The following CCDC149 variants were observed in gnomAD, a reference collection of about 807,000 sequenced individuals.
CCDC149 encodes coiled-coil domain-containing protein 149.
In CCDC149, 45 loss-of-function variants were observed where a neutral mutation model predicts 59.9. The observed-to-expected ratio is 0.75, with a 90% CI of 0.59 to 0.96. CCDC149 has a LOEUF of 0.96. Among genes scored for constraint, CCDC149 ranks in the 40% least tolerant of loss-of-function variants. The pLI, the probability that CCDC149 is intolerant of heterozygous loss-of-function variation, is 0.00. For missense variants in CCDC149, 584 were observed against 664.7 expected, an observed-to-expected ratio of 0.88 and a Z score of 1.33; for synonymous variants, 245 against 260.6, an observed-to-expected ratio of 0.94 and a Z score of 0.58.
At chr4:24,866,821 A>ACC (rs1251859575) in intron 3 of CCDC149, among the ~76,000 whole-genome samples, 14 of 28,080 alleles carry the variant, frequency 5.0e-4, no homozygotes, top group Admixed American at 3.4e-3. Context: ...ACACACACAC[A>ACC]CCCACACACA....
At chr4:24,851,559 G>C (rs2109180109) in intron 4 of CCDC149, among the ~76,000 whole-genome samples, 1 of 152,190 alleles carries the variant, frequency 6.6e-6, no homozygotes, top group South Asian at 2.1e-4. Flanking sequence ...GAGGGGAGGA[G>C]CAGCTCAGGA....
chr4:24,977,552 C>T (rs1724259466), intron 1 of CCDC149, among the ~76,000 whole-genome samples: 1 of 152,132 alleles, frequency 6.6e-6, no homozygotes, highest in Admixed American at 6.5e-5. Flanking sequence ...GCCTGTCTAG[C>T]TAATACCAGA....
chr4:24,944,152 A>G (rs569983945), intron 1 of CCDC149, among the ~76,000 whole-genome samples: 1 of 152,360 alleles, frequency 6.6e-6, no homozygotes, highest in Admixed American at 6.5e-5. Context: ...AACCAACCCA[A>G]ATGTCCAACA....
intron 1 of CCDC149, among the ~76,000 whole-genome samples, chr4:24,929,020 A>G (rs546579824): frequency 1.3e-5 from 2 of 152,316 alleles, no homozygotes; most frequent in African/African-American, 4.8e-5. Flanking sequence ...TAAACAAAGA[A>G]TCAGTGCCCT....
Position 24,946,556 on chromosome 4 carries a change from T to A in CCDC149, c.-65+33513A>T, listed in dbSNP as rs75551505. 4.1e-3 allele frequency among the ~76,000 whole-genome samples: 631 copies of A among 152,362 alleles called. 6 individuals are homozygous for A. Among genetic ancestry groups the A allele is most frequent in the Non-Finnish European group, 4.4e-3 (296 of 68,024 alleles). On this transcript the variant is annotated intron_variant, in intron 1 of 12. Transcript: ENST00000389609. ...GCGGGTACTTGGTAAAGATATTTTT[T>A]AAAATCTTTTTGATTGACTTTCCAT... is the stretch of plus-strand genomic sequence containing the variant.
intron 1 of CCDC149, among the ~76,000 whole-genome samples, chr4:24,894,496 G>A (rs1254948665): frequency 6.6e-6 from 1 of 152,036 alleles, no homozygotes; most frequent in East Asian, 1.9e-4. Context: ...CTCCTTGTTG[G>A]TGTCTTCACA....
At chr4:24,841,520 T>C (rs1035484954) in intron 4 of CCDC149, among the ~76,000 whole-genome samples, 1 of 152,244 alleles carries the variant, frequency 6.6e-6, no homozygotes. Flanking sequence ...GAAACACTTA[T>C]TTTTAAAAGT....
At position 24,851,515 on chromosome 4, in the gene CCDC149, C is replaced by G. The variant is rs183817641; in HGVS notation, c.372+1557G>C. 3.0e-3 allele frequency among the ~76,000 whole-genome samples: 449 copies of G among 151,392 alleles called. 6 individuals are homozygous for G. Among genetic ancestry groups the G allele is most frequent in the Admixed American group, 0.019 (291 of 15,222 alleles). On this transcript the variant is annotated intron_variant, in intron 4 of 12. Coordinates refer to ENST00000635206, the MANE Select transcript of CCDC149 (RefSeq NM_001330643.2). Reference sequence around the variant, plus strand: ...AAAAGGCAAAAGAATTGAAAGTGACCAAAAGATGAGACAGGAGCATATTTA... The same window carrying G: ...AAAAGGCAAAAGAATTGAAAGTGACGAAAAGATGAGACAGGAGCATATTTA...
intron 3 of CCDC149, among the ~76,000 whole-genome samples, chr4:24,861,242 T>C (rs1718356768): frequency 9.4e-6 from 1 of 106,074 alleles, no homozygotes; most frequent in Non-Finnish European, 1.8e-5. Flanking sequence ...AGCGAATAAA[T>C]AATATGTGAT....
intron 1 of CCDC149, among the ~76,000 whole-genome samples, chr4:24,911,613 G>A (rs1321387178): frequency 6.6e-6 from 1 of 152,184 alleles, no homozygotes; most frequent in East Asian, 1.9e-4. Flanking sequence ...AGAAGATGGA[G>A]CCAGGCTGCA....
upstream of CCDC149, among the ~76,000 whole-genome samples, chr4:24,914,403 A>G (rs1042643864): frequency 3.1e-5 from 4 of 130,634 alleles, no homozygotes; most frequent in South Asian, 2.5e-4. Flanking sequence ...AAAAAAAAAA[A>G]AGAAAAAAAA....
chr4:24,888,773 A>G, intron 1 of CCDC149, among the ~76,000 whole-genome samples: 1 of 152,154 alleles, frequency 6.6e-6, no homozygotes, highest in East Asian at 1.9e-4. Context: ...GCCCACGCCT[A>G]TAGTCCATCC....
chr4:24,848,894 G>C (rs764706351), intron 4 of CCDC149, among the ~76,000 whole-genome samples: 1 of 152,166 alleles, frequency 6.6e-6, no homozygotes, highest in Non-Finnish European at 1.5e-5. Flanking sequence ...TTCGTAGGTA[G>C]AAGACATGAA....
rs1716637547 is a variant in CCDC149, at chr4:24,837,772, G to T, written c.490-372C>A. Among the ~76,000 whole-genome samples the T allele has an allele frequency of 6.6e-6, 1 of 152,180 alleles. No individual in the cohort carries two copies. Among genetic ancestry groups the T allele is most frequent in the Non-Finnish European group, 1.5e-5 (1 of 68,030 alleles). ...AGTAAGAGGAAGAAAATGAACTTTA[G>T]GCTCTCTTAGTTGTTACCTAACTAG... On this transcript the variant is annotated intron_variant, in intron 5 of 12. Coordinates refer to ENST00000635206, the MANE Select transcript of CCDC149 (RefSeq NM_001330643.2). The surrounding 1 kb of genome is among the most constrained non-coding windows in gnomAD (Gnocchi z 4.3).
At chr4:24,940,259 G>T (rs1426068672) in intron 1 of CCDC149, among the ~76,000 whole-genome samples, 3 of 152,120 alleles carry the variant, frequency 2.0e-5, no homozygotes, top group South Asian at 2.1e-4. Flanking sequence ...TTAAAGAAAA[G>T]AATTTTCAAC....
rs879693016 is a variant in CCDC149 at position 24,825,772 on chromosome 4, C to CA, written c.966-3200dup. On this transcript the variant is annotated intron_variant, in intron 9 of 12. Transcript: ENST00000635206. ...TGGGCGACAGAGCAAGACTCCGTCT[C>CA]AAAAAAAAAAAAACACACACATGCT... Among the ~76,000 whole-genome samples, 1,106 of 120,310 alleles carry CA rather than the reference C, an allele frequency of 9.2e-3. 4 individuals carry two copies. The highest frequency in any genetic ancestry group is 0.018 in the Middle Eastern group (4 of 218). 78.9% of individuals were successfully genotyped at this position (120,310 alleles called of 152,430 possible). A position where few individuals can be genotyped will look rare whatever the true frequency, so the allele number is the denominator to read the frequency against.
At chr4:24,854,202 C>T (rs927015828) in intron 3 of CCDC149, among the ~76,000 whole-genome samples, 6 of 152,218 alleles carry the variant, frequency 3.9e-5, no homozygotes, top group African/African-American at 9.6e-5. Flanking sequence ...TCACAGTCCT[C>T]GCTCACATGG....
rs149285595 is a variant in CCDC149 at position 24,947,014 on chromosome 4, G to A, written c.-65+33055C>T. 6.6e-5 allele frequency among the ~76,000 whole-genome samples: 10 copies of A among 152,172 alleles called. No individual in the cohort carries two copies. In the South Asian group the frequency reaches 2.1e-3, roughly 32 times the overall value. On this transcript the variant is annotated intron_variant, in intron 1 of 12. Coordinates refer to the CCDC149 transcript ENST00000389609. Reference sequence around the variant, plus strand: ...AGTCGATTTCAATAGCTTCCTCTCTGCCCAGGAAAACAGGTTCCTGTGCAG... The same window carrying A: ...AGTCGATTTCAATAGCTTCCTCTCTACCCAGGAAAACAGGTTCCTGTGCAG...
chr4:24,926,768 G>C (rs1722444114), intron 1 of CCDC149, among the ~76,000 whole-genome samples: 1 of 152,222 alleles, frequency 6.6e-6, no homozygotes, highest in Non-Finnish European at 1.5e-5. Flanking sequence ...TGAAGGTTGG[G>C]AGTGATTCCC....
Sources: gnomAD v4.1 joint callset for allele counts (sites outside exome capture counted in the v4.1 genomes callset) on GRCh38, gnomAD v4.1.1 for gene constraint, Gnocchi (gnomAD v3.1) non-coding constraint, MANE v1.5 for transcripts, NCBI Gene and HGNC (gene_info 2026-07-23, HGNC 2026-07-21) for gene names.